The following ZNF385D variants were observed in gnomAD, a reference collection of about 807,000 sequenced individuals.
The protein encoded by ZNF385D is zinc finger protein 385D.
A neutral mutation model predicts 35.8 loss-of-function variants in ZNF385D; 15 were observed. The ratio of observed to expected loss-of-function variants is 0.42; its 90% CI spans 0.28 to 0.64. ZNF385D has a LOEUF of 0.64. Among genes scored for constraint, ZNF385D ranks in the 30% least tolerant of loss-of-function variants. The probability of loss-of-function intolerance (pLI) is 0.23; values close to 1 mark genes in which losing one functional copy is unlikely to be tolerated. For missense variants in ZNF385D, 474 were observed against 494.6 expected, an observed-to-expected ratio of 0.96 and a Z score of 0.39; for synonymous variants, 212 against 186.8, an observed-to-expected ratio of 1.13 and a Z score of -1.10.
rs370156039 is a variant in ZNF385D at position 22,175,462 on chromosome 3, A to G, written c.107-6427T>C. On this transcript the variant is annotated intron_variant, in intron 2 of 5. Coordinates refer to the ZNF385D transcript ENST00000494108. ...GAAATAACTTAGAAAAAATGAGAAA[A>G]AAAAAGCTATTAGGTGATTTGAAAG... Among the ~76,000 whole-genome samples the G allele has an allele frequency of 2.6e-5, 4 of 152,130 alleles. No individual in the cohort carries two copies. In the East Asian group the frequency reaches 7.7e-4, roughly 29 times the overall value.
intron 2 of ZNF385D, among the ~76,000 whole-genome samples, chr3:21,608,199 T>C (rs1056348455): frequency 2.0e-5 from 3 of 151,926 alleles, no homozygotes; most frequent in Admixed American, 2.0e-4. Context: ...TTAGTAGAGA[T>C]GGAGTTTCAC....
intron 3 of ZNF385D, among the ~76,000 whole-genome samples, chr3:22,012,325 G>C (rs980289645): frequency 1.3e-4 from 20 of 152,064 alleles, no homozygotes; most frequent in African/African-American, 3.4e-4. Flanking sequence ...TAACAACTAA[G>C]ATAAAATGTT....
At chr3:22,313,004 A>C (rs200538771) in intron 2 of ZNF385D, among the ~76,000 whole-genome samples, 1 of 151,066 alleles carries the variant, frequency 6.6e-6, no homozygotes, top group Admixed American at 6.6e-5. Context: ...AACCAACCCA[A>C]ATGTCCAACG....
In ZNF385D at chr3:22,181,181, A is replaced by G. The variant is rs574538633; in HGVS notation, c.107-12146T>C. ...TTCCTTTTACAGTTTTCTCCCTTTC[A>G]CTATTAAAGGAGAAGAGCAGATACT... On this transcript the variant is annotated intron_variant, in intron 2 of 5. Transcript: ENST00000494108. Among the ~76,000 whole-genome samples the G allele has an allele frequency of 4.5e-4, 69 of 151,840 alleles. 2 individuals carry two copies. Among genetic ancestry groups the G allele is most frequent in the African/African-American group, 1.5e-3 (63 of 41,364 alleles).
At chr3:21,518,016 A>T (rs1051909182) in intron 3 of ZNF385D, among the ~76,000 whole-genome samples, 1 of 152,170 alleles carries the variant, frequency 6.6e-6, no homozygotes, top group Admixed American at 6.5e-5. Context: ...AGTAATGGGT[A>T]CTTTACAAGC....
chr3:21,994,592 T>A (rs1477011819), intron 3 of ZNF385D, among the ~76,000 whole-genome samples: 2 of 152,180 alleles, frequency 1.3e-5, no homozygotes, highest in African/African-American at 2.4e-5. Flanking sequence ...TTCAGAAATG[T>A]TATGTTAGCT....
intron 2 of ZNF385D, among the ~76,000 whole-genome samples, chr3:22,179,052 T>G (rs539796719): frequency 6.6e-5 from 10 of 152,288 alleles, no homozygotes; most frequent in African/African-American, 2.2e-4. Context: ...GGCTTAGGAT[T>G]GACTTGGCGA....
intron 3 of ZNF385D, among the ~76,000 whole-genome samples, chr3:21,903,196 A>G (rs1243221058): frequency 6.6e-6 from 1 of 152,204 alleles, no homozygotes; most frequent in East Asian, 1.9e-4. Flanking sequence ...TTTAATAACT[A>G]GTAATATGAA....
chr3:21,653,279 T>G (rs2065973230), intron 2 of ZNF385D, among the ~76,000 whole-genome samples: 1 of 152,142 alleles, frequency 6.6e-6, no homozygotes, highest in African/African-American at 2.4e-5. Flanking sequence ...TCTTAACATG[T>G]GTATATATGT....
intron 3 of ZNF385D, among the ~76,000 whole-genome samples, chr3:21,910,214 G>C (rs1699896169): frequency 6.6e-6 from 1 of 151,818 alleles, no homozygotes; most frequent in African/African-American, 2.4e-5. Flanking sequence ...TTCATTCACT[G>C]TTTAGTACAT....
chr3:21,666,793 T>C (rs2066421136), intron 1 of ZNF385D, among the ~76,000 whole-genome samples: 1 of 152,096 alleles, frequency 6.6e-6, no homozygotes, highest in Non-Finnish European at 1.5e-5. Flanking sequence ...AACTCAGAAG[T>C]AAGGCCAGGT....
intron 2 of ZNF385D, among the ~76,000 whole-genome samples, chr3:21,638,299 T>G (rs542681759): frequency 6.6e-6 from 1 of 152,158 alleles, no homozygotes; most frequent in East Asian, 1.9e-4. Flanking sequence ...AACAAACAGG[T>G]TTGGAAATTA....
intron 3 of ZNF385D, among the ~76,000 whole-genome samples, chr3:21,846,722 T>C (rs1559685078): frequency 6.6e-6 from 1 of 151,872 alleles, no homozygotes; most frequent in Non-Finnish European, 1.5e-5. Flanking sequence ...GCCCTAGCTT[T>C]AGAGAGAGAG....
chr3:21,658,431 T>G (rs909274131), intron 2 of ZNF385D, among the ~76,000 whole-genome samples: 2 of 152,048 alleles, frequency 1.3e-5, no homozygotes, highest in African/African-American at 2.4e-5. Flanking sequence ...ATCTAATGCA[T>G]AAAACAGTGA....
intron 2 of ZNF385D, among the ~76,000 whole-genome samples, chr3:21,590,779 C>T (rs1443839372): frequency 6.6e-6 from 1 of 151,994 alleles, no homozygotes; most frequent in Non-Finnish European, 1.5e-5. Context: ...AAACCTAAAA[C>T]ATAAATATTC....
intron 3 of ZNF385D, among the ~76,000 whole-genome samples, chr3:21,900,142 C>A (rs900024849): frequency 1.3e-5 from 2 of 151,962 alleles, no homozygotes; most frequent in African/African-American, 4.8e-5. Flanking sequence ...CAAAGATATG[C>A]CAATTAAAAC....
intron 3 of ZNF385D, among the ~76,000 whole-genome samples, chr3:22,118,771 A>G (rs1255221689): frequency 1.3e-5 from 2 of 152,144 alleles, no homozygotes; most frequent in Non-Finnish European, 2.9e-5. Context: ...TTCTGGGTTT[A>G]GAATTTCACA....
intron 2 of ZNF385D, among the ~76,000 whole-genome samples, chr3:21,612,077 C>CATT (rs150358388): frequency 2.0e-5 from 3 of 151,562 alleles, no homozygotes; most frequent in African/African-American, 7.3e-5. Flanking sequence ...GTGGAGCAGT[C>CATT]ATTATTATTA....
chr3:21,944,482 T>C (rs1158732189), intron 3 of ZNF385D, among the ~76,000 whole-genome samples: 2 of 152,210 alleles, frequency 1.3e-5, no homozygotes, highest in Non-Finnish European at 2.9e-5. Context: ...GGCTTGTAAC[T>C]GTAGACAAAG....
Sources: gnomAD v4.1 joint callset for allele counts (sites outside exome capture counted in the v4.1 genomes callset) on GRCh38, gnomAD v4.1.1 for gene constraint, MANE v1.5 for transcripts, NCBI Gene and HGNC (gene_info 2026-07-23, HGNC 2026-07-21) for gene names.